ZNF280C: variants seen among roughly 807,000 people sequenced by gnomAD.
ZNF280C encodes suppressor of hairy wing homolog 3.
ZNF280C carries 14 observed loss-of-function variants against 53.6 expected under a neutral mutation model. The observed-to-expected ratio is 0.26, with a 90% CI of 0.17 to 0.41. ZNF280C has a LOEUF of 0.41. Ranked by LOEUF, ZNF280C falls within the 10% of genes least tolerant of loss-of-function variation. The pLI is 1.00. For missense variants in ZNF280C, 416 were observed against 547.1 expected (o/e 0.76, Z 2.39); for synonymous variants, 203 against 181.1 (o/e 1.12, Z -0.97).
At position 130,236,296 on chromosome X, in the gene ZNF280C, T is replaced by A; in HGVS notation, c.689A>T (p.Asp230Val). The A allele has an allele frequency of 8.3e-7, 1 of 1,203,446 alleles. No homozygotes were observed. The highest frequency in any genetic ancestry group is 1.8e-5 in the South Asian group (1 of 55,110). Residue 230 changes from aspartate (D) to valine (V), a missense_variant, in exon 8 of 19, where the codon GAT becomes GTT. By Grantham distance (152) the Asp-to-Val change is radical. This residue lies in a region of ZNF280C where 193 missense variants were observed against 201.4 expected (regional missense o/e 0.96). Coordinates refer to ENST00000370978, the MANE Select transcript of ZNF280C (RefSeq NM_017666.5). ...AGCTCTTAGGTAATCTGCTCCAGCA[T>A]CATATGGAGATGAGGTATTTGTACC... The part of the protein sequence containing the change: ...SKGTNTSSPY[D>V]AGADYLRACP...
chrX:130,216,191 A>G (rs1434539356), intron 13 of ZNF280C, 90 bp from the exon 14 acceptor site: 2 of 857,132 alleles, frequency 2.3e-6, no homozygotes, highest in Admixed American at 3.3e-5. Context: ...TATCACATTT[A>G]CGGTAAACTG....
intron 12 of ZNF280C, among the ~76,000 whole-genome samples, chrX:130,221,251 G>A (rs1178701468): frequency 3.6e-5 from 4 of 111,829 alleles, no homozygotes; most frequent in Non-Finnish European, 5.6e-5. Flanking sequence ...AACACAAACA[G>A]ATTTACCTGT....
At chrX:130,229,167 C>T in intron 9 of ZNF280C, 33 bp from the exon 10 acceptor site, 1 of 1,157,697 alleles carries the variant, frequency 8.6e-7, no homozygotes, top group Non-Finnish European at 1.2e-6. Flanking sequence ...AGCAAAAATT[C>T]AGACTTATAA....
rs745756390 is a variant in ZNF280C at position 130,227,743 on chromosome X, T to C, written c.1187A>G (p.His396Arg). The C allele has an allele frequency of 2.5e-6, 3 of 1,205,504 alleles. No homozygotes were observed. Among genetic ancestry groups the C allele is most frequent in the Middle Eastern group, 2.4e-4 (1 of 4,106 alleles). ...KICELSFETEHILLQHMKDTH... is the reference protein window; with the variant it reads ...KICELSFETERILLQHMKDTH... Reference sequence around the variant, plus strand: ...GTCCTTCATATGTTGTAAAAGAATATGCTCTGTTTCAAATGATAATTCACA... The same window carrying C: ...GTCCTTCATATGTTGTAAAAGAATACGCTCTGTTTCAAATGATAATTCACA... The change falls in exon 11 of 19, where the codon CAT becomes CGT. Residue 396 changes from histidine to arginine, a missense_variant. His to Arg is a conservative substitution (Grantham distance 29, BLOSUM62 0). This residue lies in a region of ZNF280C where 72 missense variants were observed against 168.8 expected (regional missense o/e 0.43). Coordinates refer to ENST00000370978, the MANE Select transcript of ZNF280C (RefSeq NM_017666.5).
chrX:130,219,021 T>A (rs757022050), intron 13 of ZNF280C, among the ~76,000 whole-genome samples: 1 of 112,107 alleles, frequency 8.9e-6, no homozygotes, highest in South Asian at 3.7e-4. Flanking sequence ...ATGGTTTATC[T>A]TATGCTAGAT....
chrX:130,236,531 G>C lies in ZNF280C; in HGVS notation c.602C>G (p.Ser201Cys), dbSNP rs773589818. Residue 201 changes from serine to cysteine, a missense_variant, in exon 7 of 19, where the codon TCC (serine) becomes TGC (cysteine). By Grantham distance (112) the Ser-to-Cys change is moderately radical (BLOSUM62 -1). This residue lies in a region of ZNF280C where 193 missense variants were observed against 201.4 expected (regional missense o/e 0.96). Coordinates refer to ENST00000370978, the MANE Select transcript of ZNF280C (RefSeq NM_017666.5). ...AGAGCCAATTAAAGGCAATGAAGTG[G>C]AGGGATTTATCTGAGGAACATCTTC... ...TSEDVPQINP[S>C]TSLPLIGSPP... The C allele has an allele frequency of 5.8e-6, 7 of 1,207,753 alleles. No homozygotes were observed. The highest frequency in any genetic ancestry group is 4.6e-4 in the Middle Eastern group (2 of 4,343).
intron 5 of ZNF280C, among the ~76,000 whole-genome samples, chrX:130,243,294 C>T (rs2032413604): frequency 9.0e-6 from 1 of 111,364 alleles, no homozygotes; most frequent in Admixed American, 9.6e-5. Context: ...GCAATCCTCC[C>T]ATCTCAGCCT....
chrX:130,246,326 T>C (rs2032450335), intron 3 of ZNF280C, among the ~76,000 whole-genome samples: 1 of 112,186 alleles, frequency 8.9e-6, no homozygotes, highest in Non-Finnish European at 1.9e-5. Context: ...CACATGCTGG[T>C]AGACAGACCA....
At chrX:130,251,743 C>T (rs993285024) in intron 2 of ZNF280C, among the ~76,000 whole-genome samples, 6 of 106,904 alleles carry the variant, frequency 5.6e-5, no homozygotes, top group African/African-American at 1.7e-4. Context: ...GAACTGAGAT[C>T]GAAACACTGC....
intron 12 of ZNF280C, among the ~76,000 whole-genome samples, chrX:130,223,151 G>A (rs779124706): frequency 5.4e-5 from 6 of 110,153 alleles, no homozygotes; most frequent in South Asian, 3.9e-4. Flanking sequence ...TCTGCCTCCC[G>A]GGTTCATGTG....
chrX:130,228,617 C>CTTTTT (rs35926660), intron 10 of ZNF280C, among the ~76,000 whole-genome samples: 38 of 58,382 alleles, frequency 6.5e-4, no homozygotes, highest in East Asian at 1.9e-3. Context: ...TTTTCTTCTA[C>CTTTTT]TTTTTTTTTT....
At chrX:130,256,943 G>A (rs1161617935) in intron 2 of ZNF280C, among the ~76,000 whole-genome samples, 1 of 108,436 alleles carries the variant, frequency 9.2e-6, no homozygotes, top group Non-Finnish European at 1.9e-5. Context: ...GCTCACACCT[G>A]TAATCCCAGC....
intron 15 of ZNF280C, among the ~76,000 whole-genome samples, chrX:130,212,536 T>C (rs187548685): frequency 7.2e-5 from 7 of 96,573 alleles, no homozygotes; most frequent in African/African-American, 2.9e-4. Context: ...GGAGTAAGAA[T>C]GAAAAATAAT....
intron 8 of ZNF280C, 29 bp from the exon 9 acceptor site, chrX:130,230,756 T>A: frequency 1.0e-6 from 1 of 990,244 alleles, no homozygotes; most frequent in Non-Finnish European, 1.4e-6. Context: ...ATGAGCCTTG[T>A]CTACAGCTCT....
Position 130,239,698 on chromosome X carries a change from A to G in ZNF280C, c.382-5T>C. ...TTGTGAATTCTTTGTAAAATCCTGT[A>G]AAAATTTATAATTATTTTGTTTCAT... On this transcript the variant is annotated splice_region_variant and splice_polypyrimidine_tract_variant and intron_variant, in intron 5 of 18. Transcript: ENST00000370978. 1.9e-6 allele frequency: 2 copies of G among 1,045,086 alleles called. No homozygotes were observed. The highest frequency in any genetic ancestry group is 2.7e-6 in the Non-Finnish European group (2 of 750,168). 86.1% of individuals were successfully genotyped at this position (1,045,086 alleles called of 1,213,427 possible).
At chrX:130,213,392 C>A (rs1445765783) in intron 15 of ZNF280C, among the ~76,000 whole-genome samples, 1 of 110,441 alleles carries the variant, frequency 9.1e-6, no homozygotes, top group Non-Finnish European at 1.9e-5. Context: ...CAAAACGAAA[C>A]AAAAACAAAG....
At chrX:130,212,816 A>G (rs1210424093) in intron 15 of ZNF280C, among the ~76,000 whole-genome samples, 1 of 111,322 alleles carries the variant, frequency 9.0e-6, no homozygotes, top group Middle Eastern at 4.2e-3. Context: ...AAAGAGATGA[A>G]CTGAAGGTCC....
intron 13 of ZNF280C, among the ~76,000 whole-genome samples, chrX:130,217,973 C>T (rs1330271927): frequency 9.0e-6 from 1 of 111,371 alleles, no homozygotes; most frequent in Non-Finnish European, 1.9e-5. Flanking sequence ...GAGTTTGAGA[C>T]CAGCCTGGGC....
chrX:130,257,859 C>G (rs962907647), intron 2 of ZNF280C, among the ~76,000 whole-genome samples: 2 of 112,879 alleles, frequency 1.8e-5, no homozygotes, highest in Non-Finnish European at 3.7e-5. Context: ...CAGTGGCTCA[C>G]GCCTTTAATC....
Sources: allele counts gnomAD v4.1 joint callset (sites outside exome capture counted in the v4.1 genomes callset), GRCh38; gene constraint gnomAD v4.1.1; regional missense constraint gnomAD v4.1.1; transcripts MANE v1.5; gene names NCBI Gene and HGNC (gene_info 2026-07-23, HGNC 2026-07-21).